The following CSGALNACT1 variants were observed in gnomAD, a reference collection of about 807,000 sequenced individuals.
CSGALNACT1 encodes the protein beta4GalNAcT-1.
CSGALNACT1 carries 52 observed loss-of-function variants against 51.0 expected under a neutral mutation model. That is an observed-to-expected ratio of 1.02 (90% CI 0.82 to 1.29). The LOEUF (loss-of-function observed/expected upper bound fraction) is 1.29. Ranked by LOEUF, CSGALNACT1 falls within the 50% of genes most tolerant of loss-of-function variation. The probability of loss-of-function intolerance (pLI) is 0.00; values close to 1 mark genes in which losing one functional copy is unlikely to be tolerated. For synonymous variants in CSGALNACT1, 341 were observed against 254.4 expected, an observed-to-expected ratio of 1.34 and a Z score of -3.24; for missense variants, 935 against 679.2, an observed-to-expected ratio of 1.38 and a Z score of -4.19.
chr8:19,717,023 G>C (rs898964469), intron 1 of CSGALNACT1, among the ~76,000 whole-genome samples: 1 of 152,074 alleles, frequency 6.6e-6, no homozygotes, highest in Admixed American at 6.6e-5. Flanking sequence ...GCCTTAGTGG[G>C]GATAAACGAG....
At chr8:19,727,663 G>A (rs1422836721) in intron 1 of CSGALNACT1, among the ~76,000 whole-genome samples, 1 of 152,170 alleles carries the variant, frequency 6.6e-6, no homozygotes, top group Non-Finnish European at 1.5e-5. Flanking sequence ...TTTCTATCAA[G>A]ACGGTGATAT....
intron 4 of CSGALNACT1, among the ~76,000 whole-genome samples, chr8:19,481,982 C>G (rs2071518536): frequency 6.6e-6 from 1 of 152,100 alleles, no homozygotes; most frequent in East Asian, 1.9e-4. Context: ...TATACTGCAG[C>G]TACTCAATAG....
At chr8:19,642,085 G>C (rs1005467045) in intron 1 of CSGALNACT1, 2 of 152,122 alleles carry the variant, frequency 1.3e-5, no homozygotes, top group African/African-American at 4.8e-5. Flanking sequence ...AAGGAAAATG[G>C]CTTGTTAAAT....
intron 1 of CSGALNACT1, among the ~76,000 whole-genome samples, chr8:19,649,223 A>G (rs1359745151): frequency 6.6e-6 from 1 of 152,188 alleles, no homozygotes; most frequent in Non-Finnish European, 1.5e-5. Context: ...CAGGATCACA[A>G]AGTTGGTGGC....
intron 5 of CSGALNACT1, among the ~76,000 whole-genome samples, chr8:19,443,075 C>T (rs1351752723): frequency 6.6e-6 from 1 of 152,200 alleles, no homozygotes; most frequent in Non-Finnish European, 1.5e-5. Context: ...CATTCGGCTG[C>T]ACCCTCCTGG....
At chr8:19,685,337 T>C (rs1023352181), upstream of CSGALNACT1, among the ~76,000 whole-genome samples, 4 of 152,176 alleles carry the variant, frequency 2.6e-5, no homozygotes, top group Non-Finnish European at 4.4e-5. Context: ...GGCAAAACCC[T>C]GTCTCTACAA....
chr8:19,470,064 G>A (rs2067762674), intron 4 of CSGALNACT1, among the ~76,000 whole-genome samples: 1 of 152,166 alleles, frequency 6.6e-6, no homozygotes, highest in South Asian at 2.1e-4. Flanking sequence ...TTCATATGCT[G>A]ATAAAAAGGA....
intron 1 of CSGALNACT1, among the ~76,000 whole-genome samples, chr8:19,628,870 A>C (rs2054821297): frequency 1.3e-5 from 2 of 152,300 alleles, no homozygotes; most frequent in South Asian, 4.1e-4. Flanking sequence ...GGAGGAAAAG[A>C]AAAAGAACAC....
At chr8:19,568,435 T>C (rs371843320) in intron 3 of CSGALNACT1, among the ~76,000 whole-genome samples, 1 of 152,200 alleles carries the variant, frequency 6.6e-6, no homozygotes, top group Non-Finnish European at 1.5e-5. Flanking sequence ...GACATCATTA[T>C]GCGGTGCATG....
intron 1 of CSGALNACT1, among the ~76,000 whole-genome samples, chr8:19,610,094 T>C (rs2052000746): frequency 6.6e-6 from 1 of 150,740 alleles, no homozygotes; most frequent in Non-Finnish European, 1.5e-5. Context: ...TGGTTGAGGG[T>C]GCCTGTAACC....
chr8:19,616,852 C>A lies in CSGALNACT1; in HGVS notation c.-543-14987G>T, dbSNP rs75461545. Among the ~76,000 whole-genome samples the A allele has an allele frequency of 9.2e-5, 14 of 152,248 alleles. No individual in the cohort carries two copies. In the East Asian group the frequency reaches 2.7e-3, roughly 29 times the overall value. ...GCCAATTAAGCCAGCGGTCCCCAAC[C>A]TTTTTGGCACCAAGGAATGGTTTCG... On this transcript the variant is annotated intron_variant, in intron 1 of 9. Coordinates refer to the CSGALNACT1 transcript ENST00000332246.
chr8:19,451,872 T>G (rs962673753), intron 5 of CSGALNACT1, among the ~76,000 whole-genome samples: 2 of 152,202 alleles, frequency 1.3e-5, no homozygotes. Flanking sequence ...AGATTTTCCT[T>G]TTACAGAAGA....
intron 4 of CSGALNACT1, among the ~76,000 whole-genome samples, chr8:19,475,316 AC>A (rs1466234507): frequency 6.6e-6 from 1 of 152,324 alleles, no homozygotes; most frequent in East Asian, 1.9e-4. Flanking sequence ...CCTGTGAGTC[AC>A]ATAAGGAGGT....
intron 3 of CSGALNACT1, among the ~76,000 whole-genome samples, chr8:19,524,586 T>C (rs2154038209): frequency 6.6e-6 from 1 of 152,276 alleles, no homozygotes; most frequent in South Asian, 2.1e-4. Flanking sequence ...GTTGGGATTT[T>C]TTTTTCTTGA....
intron 2 of CSGALNACT1, among the ~76,000 whole-genome samples, chr8:19,599,336 A>C (rs1444892850): frequency 6.6e-6 from 1 of 151,818 alleles, no homozygotes; most frequent in Non-Finnish European, 1.5e-5. Flanking sequence ...GTGGCCGTAA[A>C]AATTGTGAGC....
intron 6 of CSGALNACT1, among the ~76,000 whole-genome samples, chr8:19,420,865 T>C (rs1272273966): frequency 4.6e-5 from 7 of 152,192 alleles, no homozygotes; most frequent in African/African-American, 1.7e-4. Context: ...TCTTCGTGCA[T>C]CCTGAGCCAA....
chr8:19,603,249 C>T (rs920307014), upstream of CSGALNACT1, among the ~76,000 whole-genome samples: 7 of 152,154 alleles, frequency 4.6e-5, no homozygotes, highest in African/African-American at 1.7e-4. Context: ...CTCCAAACAC[C>T]TCTCCAAAGG....
chr8:19,495,098 A>G (rs2075213478), intron 4 of CSGALNACT1: 1 of 152,190 alleles, frequency 6.6e-6, no homozygotes, highest in South Asian at 2.1e-4. Context: ...AGCAATCTCA[A>G]TGGAAACAGG....
At chr8:19,488,765 T>G (rs2153954353) in intron 4 of CSGALNACT1, among the ~76,000 whole-genome samples, 1 of 152,256 alleles carries the variant, frequency 6.6e-6, no homozygotes, top group Admixed American at 6.5e-5. Context: ...GGTAGATTAT[T>G]AATAATGTCA....
Sources: gnomAD v4.1 joint callset for allele counts (sites outside exome capture counted in the v4.1 genomes callset) on GRCh38, gnomAD v4.1.1 for gene constraint, MANE v1.5 for transcripts, NCBI Gene and HGNC (gene_info 2026-07-23, HGNC 2026-07-21) for gene names.